The following ZNF469 variants were observed in gnomAD, a reference collection of about 807,000 sequenced individuals.
The protein encoded by ZNF469 is zinc finger protein 469.
ZNF469 carries 1 observed loss-of-function variant against 1.0 expected under a neutral mutation model. The ratio of observed to expected loss-of-function variants is 1.00; its 90% confidence interval spans 0.35 to 4.73. The LOEUF (loss-of-function observed/expected upper bound fraction) is 4.73, where lower values mean the gene tolerates loss of function less well. ZNF469 is among the 30% of genes most tolerant of loss of function. ZNF469 has a pLI of 0.16. For missense variants in ZNF469, 6,100 were observed against 5,356.3 expected, an observed-to-expected ratio of 1.14 and a Z score of -4.33; for synonymous variants, 2,703 against 2,363.4, an observed-to-expected ratio of 1.14 and a Z score of -4.17.
At chr16:88,335,047 C>G in the ZNF469 span, among the ~76,000 whole-genome samples, 2 of 152,226 alleles carry the variant, frequency 1.3e-5, no homozygotes, top group African/African-American at 4.8e-5. Context: ...CATGCAGCCA[C>G]TGGGCACAGG....
chr16:88,369,920 C>G, the ZNF469 span, among the ~76,000 whole-genome samples: 8 of 152,370 alleles, frequency 5.3e-5, no homozygotes, highest in East Asian at 1.5e-3. Context: ...GGGGACCCAC[C>G]TCCCTGAGCA....
chr16:88,126,760 TCTC>T, the ZNF469 span, among the ~76,000 whole-genome samples: 1 of 152,056 alleles, frequency 6.6e-6, no homozygotes, highest in Non-Finnish European at 1.5e-5. Flanking sequence ...TTCAAGCAAT[TCTC>T]CTGCCTCAGC....
the ZNF469 span, among the ~76,000 whole-genome samples, chr16:88,350,396 C>G: frequency 2.0e-5 from 3 of 152,278 alleles, no homozygotes; most frequent in Admixed American, 6.5e-5. Flanking sequence ...GCGCACCCAC[C>G]TCCCTTGGCC....
At chr16:88,321,215 C>G in the ZNF469 span, among the ~76,000 whole-genome samples, 1 of 152,284 alleles carries the variant, frequency 6.6e-6, no homozygotes, top group Non-Finnish European at 1.5e-5. Flanking sequence ...GGGTTTCCCC[C>G]TCGGGATCTT....
chr16:88,237,541 G>T, the ZNF469 span, among the ~76,000 whole-genome samples: 108 of 49,530 alleles, frequency 2.2e-3, no homozygotes, highest in African/African-American at 3.0e-3. Context: ...CCTGCCCTCC[G>T]TGCTCCTGCC....
the ZNF469 span, among the ~76,000 whole-genome samples, chr16:88,133,605 C>T: frequency 6.7e-6 from 1 of 148,934 alleles, no homozygotes; most frequent in Non-Finnish European, 1.5e-5. Context: ...TCAAATCATT[C>T]AATAATTTTA....
At chr16:88,149,257 C>T in the ZNF469 span, among the ~76,000 whole-genome samples, 1 of 152,214 alleles carries the variant, frequency 6.6e-6, no homozygotes, top group East Asian at 1.9e-4. Flanking sequence ...GTGCACAGGC[C>T]ACATGGGAGA....
At chr16:88,350,310 G>T in the ZNF469 span, among the ~76,000 whole-genome samples, 2 of 152,188 alleles carry the variant, frequency 1.3e-5, no homozygotes, top group African/African-American at 2.4e-5. Flanking sequence ...CATGATCCAC[G>T]CAGGGACCTG....
intron 1 of ZNF469, among the ~76,000 whole-genome samples, chr16:88,400,522 G>A (rs568860320): frequency 5.5e-4 from 84 of 152,286 alleles, no homozygotes; most frequent in Non-Finnish European, 6.9e-4. Flanking sequence ...CCTGCTTTCC[G>A]GAACCTCTAA....
At chr16:88,344,009 G>C in the ZNF469 span, among the ~76,000 whole-genome samples, 1 of 151,506 alleles carries the variant, frequency 6.6e-6, no homozygotes, top group African/African-American at 2.4e-5. Context: ...GACATGATCA[G>C]ATGGGCACTT....
chr16:88,172,954 C>G, the ZNF469 span, among the ~76,000 whole-genome samples: 1 of 152,192 alleles, frequency 6.6e-6, no homozygotes, highest in Non-Finnish European at 1.5e-5. Flanking sequence ...AAAACAAAAA[C>G]AGGACACTGG....
chr16:88,205,927 A>T, the ZNF469 span, among the ~76,000 whole-genome samples: 1 of 151,824 alleles, frequency 6.6e-6, no homozygotes, highest in African/African-American at 2.4e-5. The surrounding 1 kb of genome is among the most constrained non-coding windows in gnomAD (Gnocchi z 4.2). Context: ...GGTGTGGAGA[A>T]CTGGGGAGCA....
chr16:88,144,658 A>G, the ZNF469 span, among the ~76,000 whole-genome samples: 1 of 152,102 alleles, frequency 6.6e-6, no homozygotes, highest in Non-Finnish European at 1.5e-5. Context: ...CTCTGTCATC[A>G]CCCGTGTGGC....
chr16:88,246,006 C>T, the ZNF469 span, among the ~76,000 whole-genome samples: 1 of 152,286 alleles, frequency 6.6e-6, no homozygotes, highest in African/African-American at 2.4e-5. Context: ...ACGCATCCGC[C>T]TGGGCGCCAT....
At chr16:88,358,625 G>A in the ZNF469 span, among the ~76,000 whole-genome samples, 4 of 152,102 alleles carry the variant, frequency 2.6e-5, no homozygotes, top group Non-Finnish European at 5.9e-5. Context: ...TGCAGAGAAC[G>A]CCAGGTCTCT....
At chr16:88,214,989 G>A in the ZNF469 span, among the ~76,000 whole-genome samples, 1 of 152,054 alleles carries the variant, frequency 6.6e-6, no homozygotes, top group Non-Finnish European at 1.5e-5. Context: ...CTCTGATGAT[G>A]CTCCTCGCTT....
the ZNF469 span, among the ~76,000 whole-genome samples, chr16:88,213,052 G>C: frequency 2.0e-5 from 3 of 151,756 alleles, no homozygotes; most frequent in Non-Finnish European, 2.9e-5. Flanking sequence ...TTGATACTGG[G>C]GGTGGTAATT....
intron 1 of ZNF469, among the ~76,000 whole-genome samples, chr16:88,392,142 A>G (rs1300694815): frequency 6.6e-6 from 1 of 152,264 alleles, no homozygotes; most frequent in African/African-American, 2.4e-5. Context: ...AAGTATTCTC[A>G]TTCCACCATG....
At chr16:88,280,082 C>T in the ZNF469 span, among the ~76,000 whole-genome samples, 6 of 151,642 alleles carry the variant, frequency 4.0e-5, no homozygotes, top group Admixed American at 1.3e-4. Context: ...GACACTCAGT[C>T]GGTACCGTGT....
Sources: allele counts gnomAD v4.1 joint callset (sites outside exome capture counted in the v4.1 genomes callset), GRCh38; gene constraint gnomAD v4.1.1; non-coding constraint Gnocchi (gnomAD v3.1); transcripts MANE v1.5; gene names NCBI Gene and HGNC (gene_info 2026-07-23, HGNC 2026-07-21).